The following SMAD6 variants were observed in gnomAD, a reference collection of about 807,000 sequenced individuals.
The protein encoded by SMAD6 is SMAD family member 6, also known as MAD homolog 6.
SMAD6 carries 103 observed loss-of-function variants against 39.4 expected under a neutral mutation model. The observed-to-expected ratio is 2.62, with a 90% CI of 2.23 to 3.08. The LOEUF (loss-of-function observed/expected upper bound fraction) is 3.08, where lower values mean the gene tolerates loss of function less well. Ranked by LOEUF, SMAD6 falls within the 30% of genes most tolerant of loss-of-function variation. The pLI, the probability that SMAD6 is intolerant of heterozygous loss-of-function variation, is 0.00. For synonymous variants in SMAD6, 445 were observed against 353.3 expected, an observed-to-expected ratio of 1.26 and a Z score of -2.91; for missense variants, 1,104 against 742.9, an observed-to-expected ratio of 1.49 and a Z score of -5.65.
chr15:66,781,078 G>A lies in SMAD6; in HGVS notation c.1034G>A (p.Arg345His). Residue 345 changes from arginine to histidine, a missense_variant, in exon 4 of 4, where the codon CGC (arginine) becomes CAC (histidine). Transcript: ENST00000288840. ...TGGGAGCACCGGACGCGCGTGGGCC[G>A]CCTCTATGCGGTGTACGACCAGGCC... Reference protein sequence around the residue: ...AYWEHRTRVGRLYAVYDQAVS... With the variant: ...AYWEHRTRVGHLYAVYDQAVS... 1.9e-6 allele frequency: 3 copies of A among 1,606,562 alleles called. No individual in the cohort carries two copies. The highest frequency in any genetic ancestry group is 2.5e-6 in the Non-Finnish European group (3 of 1,179,110).
At chr15:66,759,193 A>G (rs1416895517) in intron 3 of SMAD6, among the ~76,000 whole-genome samples, 1 of 152,246 alleles carries the variant, frequency 6.6e-6, no homozygotes. Context: ...TATAATAATC[A>G]ATAATCTTTG....
rs922540858 is a variant in SMAD6, at chr15:66,703,330, A to G, written c.72A>G (p.Glu24=). The G allele has an allele frequency of 4.7e-6, 7 of 1,487,050 alleles. No individual in the cohort carries two copies. In the Admixed American group the frequency reaches 1.4e-4, roughly 30 times the overall value. 92.1% of individuals were successfully genotyped at this position (1,487,050 alleles called of 1,614,324 possible). Residue 24 remains glutamate (E), a synonymous_variant, in exon 1 of 4, where the codon GAA becomes GAG. Coordinates refer to ENST00000288840, the MANE Select transcript of SMAD6 (RefSeq NM_005585.5). ...WRSRVVPDRE[E]GGSGGGGGGD... ...GTCGTGTGGTCCCCGACCGGGAGGA[A>G]GGCGGCAGCGGCGGCGGCGGTGGCG...
chr15:66,729,564 G>A (rs1358152562), intron 3 of SMAD6, among the ~76,000 whole-genome samples: 1 of 152,210 alleles, frequency 6.6e-6, no homozygotes, highest in Non-Finnish European at 1.5e-5. Flanking sequence ...GGGTGACAGC[G>A]TGGTGTTTTC....
At position 66,702,850 on chromosome 15, in the gene SMAD6, A is replaced by C; in HGVS notation, c.-409A>C. 1 of 170,998 alleles carries C rather than the reference A, an allele frequency of 5.8e-6. No individual in the cohort carries two copies. The highest frequency in any genetic ancestry group is 1.2e-5 in the Non-Finnish European group (1 of 80,964). The allele number at this position is 170,998 out of a possible 1,614,324, so 10.6% of individuals were successfully genotyped here. A position where few individuals can be genotyped will look rare whatever the true frequency, so the allele number is the denominator to read the frequency against. On this transcript the variant is annotated 5_prime_UTR_variant, in exon 1 of 4. Coordinates refer to ENST00000288840, the MANE Select transcript of SMAD6 (RefSeq NM_005585.5). ...AAGGTAAAGGCAGGGCTTTCCAGAC[A>C]CATTTAGGGGTTCGCGCGAGCGCTT...
rs192688872 is a variant in SMAD6, at chr15:66,731,296, G to A, written c.952+14798G>A. 4.4e-3 allele frequency among the ~76,000 whole-genome samples: 668 copies of A among 151,674 alleles called. 4 individuals are homozygous for A. The highest frequency in any genetic ancestry group is 0.014 in the African/African-American group (569 of 41,320). ...TACTAAAAATACAAAAAATTAGCCG[G>A]GCGTAGTGGCGGGCGCCTGTAGTCC... is the stretch of plus-strand genomic sequence containing the variant. On this transcript the variant is annotated intron_variant, in intron 3 of 3. Transcript: ENST00000288840.
intron 3 of SMAD6, among the ~76,000 whole-genome samples, chr15:66,758,369 A>G (rs974011177): frequency 6.6e-6 from 1 of 152,230 alleles, no homozygotes; most frequent in Non-Finnish European, 1.5e-5. Flanking sequence ...AAAACAGAAC[A>G]GCATGGCAGG....
chr15:66,708,453 G>A (rs909393851), intron 1 of SMAD6, among the ~76,000 whole-genome samples: 2 of 152,194 alleles, frequency 1.3e-5, no homozygotes, highest in Admixed American at 6.5e-5. Context: ...TGGGAGTGGC[G>A]GCTGATTGTT....
chr15:66,756,292 G>A (rs925124356), intron 3 of SMAD6, among the ~76,000 whole-genome samples: 1 of 151,736 alleles, frequency 6.6e-6, no homozygotes, highest in Non-Finnish European at 1.5e-5. Flanking sequence ...GTTTGGAAAC[G>A]GAGCCCTTTG....
chr15:66,719,493 C>T (rs1484096764), intron 3 of SMAD6, among the ~76,000 whole-genome samples: 2 of 152,132 alleles, frequency 1.3e-5, no homozygotes, highest in Non-Finnish European at 2.9e-5. Context: ...TCTGCCGATC[C>T]CGAGAGCCTT....
chr15:66,731,515 A>G (rs1371499070), intron 3 of SMAD6, among the ~76,000 whole-genome samples: 1 of 151,886 alleles, frequency 6.6e-6, no homozygotes, highest in Non-Finnish European at 1.5e-5. Context: ...GCATTCAGCC[A>G]TCTGATTTCT....
chr15:66,716,362 A>G, intron 2 of SMAD6, 59 bp from the exon 3 acceptor site: 1 of 1,220,540 alleles, frequency 8.2e-7, no homozygotes, highest in South Asian at 1.2e-5. Flanking sequence ...ATGAGAAAGA[A>G]GAAAAAAGAG....
intron 3 of SMAD6, among the ~76,000 whole-genome samples, chr15:66,778,521 C>G (rs1232833370): frequency 6.6e-6 from 1 of 152,126 alleles, no homozygotes; most frequent in Non-Finnish European, 1.5e-5. Context: ...AGCAGTGACC[C>G]CTCCCTTAGT....
rs1002260847 is a variant in SMAD6 at position 66,702,549 on chromosome 15, C to T, written c.-710C>T. 2 of 152,600 alleles carry T rather than the reference C, an allele frequency of 1.3e-5. No individual in the cohort carries two copies. Among genetic ancestry groups the T allele is most frequent in the African/African-American group, 2.4e-5 (1 of 41,428 alleles). 9.5% of individuals were successfully genotyped at this position (152,600 alleles called of 1,614,324 possible). On this transcript the variant is annotated 5_prime_UTR_variant, in exon 1 of 4. Transcript: ENST00000288840. Reference sequence around the variant, plus strand: ...TTTTAATTAAGGATTCCCAGCAGCTCTTTGGGATTTTTACAGCTTCCACTC... The same window carrying T: ...TTTTAATTAAGGATTCCCAGCAGCTTTTTGGGATTTTTACAGCTTCCACTC...
At chr15:66,780,137 C>T (rs569887084) in intron 3 of SMAD6, among the ~76,000 whole-genome samples, 83 of 152,326 alleles carry the variant, frequency 5.4e-4, no homozygotes, top group African/African-American at 2.0e-3. Flanking sequence ...CTCCAGAGCC[C>T]TTAAGGAGCC....
At chr15:66,722,036 G>A (rs536517505) in intron 3 of SMAD6, among the ~76,000 whole-genome samples, 2 of 152,338 alleles carry the variant, frequency 1.3e-5, no homozygotes, top group Non-Finnish European at 2.9e-5. Flanking sequence ...AACCAAAGGA[G>A]TTTCGAGGGA....
intron 3 of SMAD6, among the ~76,000 whole-genome samples, chr15:66,772,960 T>C (rs1395330972): frequency 6.6e-6 from 1 of 152,166 alleles, no homozygotes; most frequent in Non-Finnish European, 1.5e-5. Flanking sequence ...CCTGGTTCTG[T>C]CATGCTGCCC....
chr15:66,717,578 A>G (rs1001535040), intron 3 of SMAD6: 4 of 409,016 alleles, frequency 9.8e-6, no homozygotes, highest in African/African-American at 6.1e-5. Flanking sequence ...AACTCTAAGG[A>G]TAATGCAGCA....
intron 3 of SMAD6, among the ~76,000 whole-genome samples, chr15:66,767,165 A>G (rs1288293701): frequency 6.6e-6 from 1 of 152,238 alleles, no homozygotes; most frequent in Admixed American, 6.5e-5. Context: ...GTAGTCACCA[A>G]ACCTCTGTGA....
At chr15:66,716,792 C>CT (rs1441307511) in intron 3 of SMAD6, among the ~76,000 whole-genome samples, 1 of 152,232 alleles carries the variant, frequency 6.6e-6, no homozygotes, top group African/African-American at 2.4e-5. Flanking sequence ...ACAGCTCTCC[C>CT]TTTCGTGTTT....
Sources: allele counts gnomAD v4.1 joint callset (sites outside exome capture counted in the v4.1 genomes callset), GRCh38; gene constraint gnomAD v4.1.1; transcripts MANE v1.5; gene names NCBI Gene and HGNC (gene_info 2026-07-23, HGNC 2026-07-21).